ENPP3: variants seen among roughly 807,000 people sequenced by gnomAD.
ENPP3 encodes ectonucleotide pyrophosphatase/phosphodiesterase family member 3.
In ENPP3, 104 loss-of-function variants were observed where a neutral mutation model predicts 117.8. The observed-to-expected ratio is 0.88, with a 90% CI of 0.75 to 1.04. The LOEUF (loss-of-function observed/expected upper bound fraction) is 1.04, where lower values mean the gene tolerates loss of function less well. ENPP3 is among the 50% of genes least tolerant of loss of function. The probability of loss-of-function intolerance (pLI) is 0.00; values close to 1 mark genes in which losing one functional copy is unlikely to be tolerated. For missense variants in ENPP3, 1,026 were observed against 1,051.9 expected (o/e 0.98, Z 0.34); for synonymous variants, 380 against 349.9 (o/e 1.09, Z -0.96).
chr6:131,702,185 A>G (rs1330584183), intron 15 of ENPP3, among the ~76,000 whole-genome samples: 2 of 152,126 alleles, frequency 1.3e-5, no homozygotes, highest in Non-Finnish European at 2.9e-5. Flanking sequence ...TTCAGAAACA[A>G]TGAACACTAA....
chr6:131,638,891 G>A (rs183180819), intron 1 of ENPP3, among the ~76,000 whole-genome samples: 1 of 150,540 alleles, frequency 6.6e-6, no homozygotes, highest in Non-Finnish European at 1.5e-5. Flanking sequence ...TTGAACCCTG[G>A]GCTCAAGTGA....
intron 6 of ENPP3, among the ~76,000 whole-genome samples, 181 bp downstream of exon 6, chr6:131,658,601 C>A (rs189369621): frequency 7.7e-4 from 117 of 152,320 alleles, no homozygotes; most frequent in Non-Finnish European, 1.1e-3. Flanking sequence ...TTGCTGGCTT[C>A]TCCTACCTTT....
In ENPP3 at chr6:131,737,445, T is replaced by TC; in HGVS notation, c.2167+13_2167+14insC. The TC allele has an allele frequency of 7.1e-7, 1 of 1,418,080 alleles. No homozygotes were observed. Among genetic ancestry groups the TC allele is most frequent in the Non-Finnish European group, 9.9e-7 (1 of 1,011,858 alleles). The allele number at this position is 1,418,080 out of a possible 1,614,324, so 87.8% of individuals were successfully genotyped here. A position where few individuals can be genotyped will look rare whatever the true frequency, so the allele number is the denominator to read the frequency against. ...GAAGAATTCAGAAGTAAGTATGAAT[T>TC]TAGAGTATTAATTTTAAAATAGTTA... On this transcript the variant is annotated intron_variant, in intron 22 of 24. Transcript: ENST00000357639.
intron 24 of ENPP3, among the ~76,000 whole-genome samples, chr6:131,745,125 A>G (rs1385289159): frequency 2.0e-5 from 3 of 152,228 alleles, no homozygotes; most frequent in East Asian, 1.9e-4. Flanking sequence ...GTAGAGTCGT[A>G]TAAACCAAAT....
intron 5 of ENPP3, among the ~76,000 whole-genome samples, chr6:131,653,543 G>T (rs1312578580): frequency 1.3e-5 from 2 of 152,042 alleles, no homozygotes; most frequent in East Asian, 3.9e-4. Flanking sequence ...AATTACTTCT[G>T]CCAGAACTCC....
chr6:131,674,328 A>G, intron 8 of ENPP3, 47 bp downstream of exon 8: 1 of 1,585,342 alleles, frequency 6.3e-7, no homozygotes, highest in South Asian at 1.1e-5. Flanking sequence ...TCCATTTCTC[A>G]GTGTGACAGG....
chr6:131,697,700 C>T (rs1377976935), intron 15 of ENPP3, among the ~76,000 whole-genome samples: 2 of 152,052 alleles, frequency 1.3e-5, no homozygotes, highest in Non-Finnish European at 2.9e-5. Context: ...AGGATTCACC[C>T]TCCTATGAGA....
chr6:131,672,116 A>T (rs1396772684), intron 7 of ENPP3, among the ~76,000 whole-genome samples: 2 of 152,212 alleles, frequency 1.3e-5, no homozygotes, highest in African/African-American at 4.8e-5. Flanking sequence ...ATCAATAAGT[A>T]TAGTGCATTT....
chr6:131,742,648 T>C (rs1018433437), intron 24 of ENPP3, among the ~76,000 whole-genome samples: 28 of 152,060 alleles, frequency 1.8e-4, no homozygotes, highest in African/African-American at 6.8e-4. Flanking sequence ...CAAAAACAAC[T>C]TCCAGCCTGT....
At chr6:131,683,250 A>G in intron 12 of ENPP3, 88 bp downstream of exon 12, 1 of 751,276 alleles carries the variant, frequency 1.3e-6, no homozygotes, top group East Asian at 2.7e-5. Flanking sequence ...ATATTTTAAA[A>G]TCTCTACTTC....
At chr6:131,667,962 T>G (rs1778652266) in intron 6 of ENPP3, among the ~76,000 whole-genome samples, 1 of 152,162 alleles carries the variant, frequency 6.6e-6, no homozygotes, top group Admixed American at 6.5e-5. Flanking sequence ...AGCTTATTAT[T>G]CTTTATTTTT....
At chr6:131,677,650 G>T (rs755438777) in intron 10 of ENPP3, among the ~76,000 whole-genome samples, 1 of 152,108 alleles carries the variant, frequency 6.6e-6, no homozygotes, top group Non-Finnish European at 1.5e-5. Flanking sequence ...CAATAGGGGC[G>T]TACCACTGCT....
chr6:131,689,580 G>A (rs931715284), intron 14 of ENPP3, among the ~76,000 whole-genome samples: 1 of 152,128 alleles, frequency 6.6e-6, no homozygotes, highest in Admixed American at 6.6e-5. Context: ...AAAGTACCAG[G>A]TCACCCAAGA....
intron 18 of ENPP3, among the ~76,000 whole-genome samples, chr6:131,723,827 T>TCTCACACACACACA (rs367662326): frequency 6.9e-6 from 1 of 145,850 alleles, no homozygotes; most frequent in African/African-American, 2.6e-5. Context: ...TCTCTCTCTC[T>TCTCACACACACACA]CACACACACA....
chr6:131,726,298 G>A, intron 20 of ENPP3, 98 bp downstream of exon 20: 2 of 1,102,586 alleles, frequency 1.8e-6, no homozygotes, highest in Non-Finnish European at 2.7e-6. Flanking sequence ...AGATTCAAAG[G>A]GAGGGAACTC....
chr6:131,702,315 T>G (rs2114478791), intron 15 of ENPP3, among the ~76,000 whole-genome samples: 2 of 149,920 alleles, frequency 1.3e-5, no homozygotes, highest in Middle Eastern at 3.4e-3. Flanking sequence ...CAGTGGTCAT[T>G]CACCTCTTAA....
intron 13 of ENPP3, 53 bp from the exon 14 acceptor site, chr6:131,685,823 C>A: frequency 2.7e-6 from 2 of 742,976 alleles, no homozygotes; most frequent in Non-Finnish European, 4.8e-6. Flanking sequence ...ACATTCTTTG[C>A]ATTTGTTCGT....
chr6:131,655,676 C>T (rs1349148763), intron 5 of ENPP3, among the ~76,000 whole-genome samples: 1 of 152,174 alleles, frequency 6.6e-6, no homozygotes, highest in East Asian at 1.9e-4. Context: ...CTCAACAAAC[C>T]TAGATGACTA....
At position 131,683,077 on chromosome 6, in the gene ENPP3, A is replaced by C; in HGVS notation, c.1035A>C (p.Val345=). 1.9e-6 allele frequency: 3 copies of C among 1,608,812 alleles called. No homozygotes were observed. Among genetic ancestry groups the C allele is most frequent in the Non-Finnish European group, 2.6e-6 (3 of 1,175,290 alleles). The change falls in exon 12 of 25, where the codon GTA becomes GTC. Residue 345 remains valine (V), a synonymous_variant. Coordinates refer to ENST00000357639, the MANE Select transcript of ENPP3 (RefSeq NM_005021.5). ...AGGTAATTAAAGCCTTACAGGTAGT[A>C]GATCATGCTTTTGGGATGTTGATGG... is the stretch of plus-strand genomic sequence containing the variant. ...SARVIKALQV[V]DHAFGMLMEG... is the part of the protein sequence containing the mutation.
Sources: gnomAD v4.1 joint callset for allele counts (sites outside exome capture counted in the v4.1 genomes callset) on GRCh38, gnomAD v4.1.1 for gene constraint, MANE v1.5 for transcripts, NCBI Gene and HGNC (gene_info 2026-07-23, HGNC 2026-07-21) for gene names.